COQ10B: variants seen among roughly 807,000 people sequenced by gnomAD.
COQ10B encodes the protein coenzyme Q10B.
COQ10B carries 12 observed loss-of-function variants against 27.6 expected under a neutral mutation model. The observed-to-expected ratio is 0.43, with a 90% CI of 0.28 to 0.70. The LOEUF is 0.70. Among genes scored for constraint, COQ10B ranks in the 30% least tolerant of loss-of-function variants. The pLI is 0.17. For missense variants in COQ10B, 278 were observed against 288.7 expected, an observed-to-expected ratio of 0.96 and a Z score of 0.27; for synonymous variants, 115 against 103.0, an observed-to-expected ratio of 1.12 and a Z score of -0.71.
intron 3 of COQ10B, among the ~76,000 whole-genome samples, chr2:197,463,476 T>C (rs1196638193): frequency 9.1e-6 from 1 of 109,600 alleles, no homozygotes; most frequent in Non-Finnish European, 2.0e-5. Flanking sequence ...GTCTCAAAAT[T>C]AAAAAAAAAA....
chr2:197,469,977 T>C (rs1310734821), intron 3 of COQ10B, 93 bp from the exon 4 acceptor site: 2 of 714,250 alleles, frequency 2.8e-6, no homozygotes, highest in South Asian at 1.9e-5. Flanking sequence ...TTATTACTTA[T>C]GAAAGAAATC....
intron 1 of COQ10B, among the ~76,000 whole-genome samples, chr2:197,455,802 A>G (rs1261066448): frequency 6.6e-6 from 1 of 152,136 alleles, no homozygotes; most frequent in Admixed American, 6.5e-5. Context: ...TCTACAAATA[A>G]GTAAAAAATT....
At chr2:197,459,812 C>T in intron 1 of COQ10B, 120 bp from the exon 2 acceptor site, 1 of 571,384 alleles carries the variant, frequency 1.8e-6, no homozygotes. Context: ...TGTATTTTTT[C>T]AGAAACATTC....
At chr2:197,464,189 T>G (rs532980624) in intron 3 of COQ10B, among the ~76,000 whole-genome samples, 2 of 150,966 alleles carry the variant, frequency 1.3e-5, no homozygotes, top group African/African-American at 4.9e-5. Context: ...CTTATGCTTG[T>G]CAGAGGAGGA....
chr2:197,471,408 C>A (rs1284624917), intron 4 of COQ10B, among the ~76,000 whole-genome samples: 3 of 152,074 alleles, frequency 2.0e-5, no homozygotes, highest in Admixed American at 6.6e-5. Flanking sequence ...TCCCAAAGTG[C>A]TGGGATTACA....
chr2:197,453,781 T>C, intron 1 of COQ10B, 117 bp downstream of exon 1: 1 of 1,073,880 alleles, frequency 9.3e-7, no homozygotes, highest in Non-Finnish European at 1.4e-6. Flanking sequence ...TCCGTGTCTT[T>C]AGAGGAGAAG....
chr2:197,465,394 A>AT (rs1275223600), intron 3 of COQ10B, among the ~76,000 whole-genome samples: 2 of 150,466 alleles, frequency 1.3e-5, no homozygotes, highest in Non-Finnish European at 3.0e-5. Flanking sequence ...GATTCAAGTG[A>AT]TTCTCCTGCC....
intron 1 of COQ10B, among the ~76,000 whole-genome samples, chr2:197,457,173 C>T (rs577327384): frequency 2.0e-5 from 3 of 152,154 alleles, no homozygotes; most frequent in Admixed American, 2.0e-4. Flanking sequence ...AGAACTCAGG[C>T]GGTAATACTC....
chr2:197,453,997 C>G, intron 1 of COQ10B: 2 of 1,551,128 alleles, frequency 1.3e-6, no homozygotes, highest in Non-Finnish European at 1.7e-6. Context: ...AAAGTTTTAA[C>G]TTTGCGCAGA....
At chr2:197,467,471 A>G (rs1194681524) in intron 3 of COQ10B, among the ~76,000 whole-genome samples, 15 of 148,604 alleles carry the variant, frequency 1.0e-4, no homozygotes, top group South Asian at 2.2e-4. Flanking sequence ...TCTGCCTCCT[A>G]GGTTCAAGCG....
At position 197,473,415 on chromosome 2, in the gene COQ10B, A is replaced by AAAAT. The variant is rs1229206676; in HGVS notation, c.550-341_550-340insAATA. On this transcript the variant is annotated intron_variant, in intron 4 of 4. Coordinates refer to ENST00000263960, the MANE Select transcript of COQ10B (RefSeq NM_025147.5). ...CGCCCCCCCCCACAAAAAAAAAAAAAATATATATATATATATATATATATA... is the reference window on the plus strand; with the variant it reads ...CGCCCCCCCCCACAAAAAAAAAAAAAAAATATATATATATATATATATATATATA... Among the ~76,000 whole-genome samples the AAAAT allele has an allele frequency of 2.3e-3, 138 of 59,470 alleles. 1 individual carries two copies. The highest frequency in any genetic ancestry group is 8.2e-3 in the Admixed American group (37 of 4,490). 39.0% of individuals were successfully genotyped at this position (59,470 alleles called of 152,430 possible).
At chr2:197,471,308 A>T (rs1422952854) in intron 4 of COQ10B, among the ~76,000 whole-genome samples, 2 of 151,786 alleles carry the variant, frequency 1.3e-5, no homozygotes, top group African/African-American at 4.8e-5. Context: ...ACACAGGCTT[A>T]TTTTTGTATT....
intron 4 of COQ10B, among the ~76,000 whole-genome samples, chr2:197,470,659 C>T (rs1350273699): frequency 6.6e-6 from 1 of 152,176 alleles, no homozygotes; most frequent in East Asian, 1.9e-4. Context: ...CTTTGGGAGG[C>T]TGAGGCGGGC....
Position 197,461,971 on chromosome 2 carries a change from T to A in COQ10B, c.255-568T>A, listed in dbSNP as rs191094548. On this transcript the variant is annotated intron_variant, in intron 2 of 4. Transcript: ENST00000263960. ...TTTTAAATGCTGGCTACTAAAAATT[T>A]AAAAACTACCTCTTTAGGCCGGGCG... Among the ~76,000 whole-genome samples, 174 of 151,492 alleles carry A rather than the reference T, an allele frequency of 1.1e-3. 3 individuals carry two copies. The highest frequency in any genetic ancestry group is 3.9e-3 in the African/African-American group (163 of 41,386).
chr2:197,456,357 C>T (rs188059083), intron 1 of COQ10B, among the ~76,000 whole-genome samples: 6,417 of 150,388 alleles, frequency 0.043, 197 homozygotes, highest in Non-Finnish European at 0.059. Context: ...GCCAGCTACT[C>T]GGGAGGCTGA....
intron 3 of COQ10B, among the ~76,000 whole-genome samples, chr2:197,463,972 T>A (rs2085792910): frequency 1.8e-5 from 1 of 54,172 alleles, no homozygotes; most frequent in African/African-American, 7.7e-5. Context: ...AAAATATATA[T>A]ATATATATAT....
At chr2:197,463,978 TATATATATATATATATATACAC>T (rs2085793246) in intron 3 of COQ10B, among the ~76,000 whole-genome samples, 1 of 77,750 alleles carries the variant, frequency 1.3e-5, no homozygotes, top group Non-Finnish European at 2.4e-5. Flanking sequence ...TATATATATA[TATATATATATATATATATACAC>T]ACACACACAC....
chr2:197,473,239 A>G (rs2085897247), intron 4 of COQ10B, among the ~76,000 whole-genome samples: 1 of 151,322 alleles, frequency 6.6e-6, no homozygotes, highest in Non-Finnish European at 1.5e-5. Context: ...CCACTGTCCT[A>G]AGTGGAGATT....
intron 2 of COQ10B, among the ~76,000 whole-genome samples, chr2:197,461,511 G>A (rs1459208628): frequency 2.0e-5 from 3 of 151,814 alleles, no homozygotes; most frequent in African/African-American, 7.3e-5. Flanking sequence ...TGTCACAGGT[G>A]TTACCTGTTA....
Sources: gnomAD v4.1 joint callset for allele counts (sites outside exome capture counted in the v4.1 genomes callset) on GRCh38, gnomAD v4.1.1 for gene constraint, MANE v1.5 for transcripts, NCBI Gene and HGNC (gene_info 2026-07-23, HGNC 2026-07-21) for gene names.